PEX3: variants seen among roughly 807,000 people sequenced by gnomAD.
PEX3 encodes the protein peroxin-3.
PEX3 carries 30 observed loss-of-function variants against 55.8 expected under a neutral mutation model. The ratio of observed to expected loss-of-function variants is 0.54; its 90% CI spans 0.40 to 0.73. The LOEUF (loss-of-function observed/expected upper bound fraction) is 0.73. Ranked by LOEUF, PEX3 falls within the 30% of genes least tolerant of loss-of-function variation. The pLI is 0.00. For synonymous variants in PEX3, 135 were observed against 148.4 expected, an observed-to-expected ratio of 0.91 and a Z score of 0.66; for missense variants, 351 against 432.8, an observed-to-expected ratio of 0.81 and a Z score of 1.68.
At chr6:143,478,985 G>A (rs1268685097) in intron 9 of PEX3, 91 bp from the exon 10 acceptor site, 2 of 740,564 alleles carry the variant, frequency 2.7e-6, no homozygotes, top group African/African-American at 3.5e-5. Flanking sequence ...AGAAATGTTG[G>A]TGGCTTTCAA....
intron 9 of PEX3, 144 bp from the exon 10 acceptor site, chr6:143,478,932 A>T (rs1451087844): frequency 7.2e-6 from 4 of 556,846 alleles, no homozygotes; most frequent in African/African-American, 1.9e-5. Flanking sequence ...ATACTTTTTA[A>T]AGATTGATTT....
At position 143,488,643 on chromosome 6, in the gene PEX3, T is replaced by C. The variant is rs771827830; in HGVS notation, c.1039-500T>C. On this transcript the variant is annotated intron_variant, in intron 11 of 11. Transcript: ENST00000367591. The surrounding 1 kb of genome is among the most constrained non-coding windows in gnomAD (Gnocchi z 4.9). ...AAATGAAGGTGTAATTTTTTTCTTA[T>C]CTTCACATTCGCAAATCCCTTGGGG... Among the ~76,000 whole-genome samples the C allele has an allele frequency of 1.3e-5, 2 of 152,134 alleles. No individual in the cohort carries two copies. Among genetic ancestry groups the C allele is most frequent in the Non-Finnish European group, 2.9e-5 (2 of 67,992 alleles).
chr6:143,450,972 G>A lies in PEX3; in HGVS notation c.-71G>A. 4 of 1,140,966 alleles carry A rather than the reference G, an allele frequency of 3.5e-6. No homozygotes were observed. The highest frequency in any genetic ancestry group is 5.4e-6 in the Non-Finnish European group (4 of 747,648). 70.7% of individuals were successfully genotyped at this position (1,140,966 alleles called of 1,614,324 possible). A position where few individuals can be genotyped will look rare whatever the true frequency, so the allele number is the denominator to read the frequency against. On this transcript the variant is annotated 5_prime_UTR_variant, in exon 1 of 12. In the 5' UTR this introduces an upstream ATG that the reference lacks. Transcript: ENST00000367591. ...GCTCTTGCTGGGTCATCTGGGCCAG[G>A]TGACGAAGAAACAGTTTCCTGGTGA...
chr6:143,470,181 C>G (rs1422358892), intron 4 of PEX3, among the ~76,000 whole-genome samples: 1 of 152,180 alleles, frequency 6.6e-6, no homozygotes, highest in African/African-American at 2.4e-5. Context: ...ATCTCTTGAC[C>G]TTGTGATCCG....
intron 4 of PEX3, among the ~76,000 whole-genome samples, chr6:143,468,817 C>T (rs917346410): frequency 2.3e-4 from 32 of 137,222 alleles, no homozygotes; most frequent in Admixed American, 1.5e-3. Context: ...CCCCCCCCAC[C>T]CCACGACAGG....
In PEX3 at chr6:143,451,493, C is replaced by T. The variant is rs1034705478; in HGVS notation, c.73+378C>T. 6.6e-6 allele frequency among the ~76,000 whole-genome samples: 1 copy of T among 152,180 alleles called. No individual in the cohort carries two copies. The highest frequency in any genetic ancestry group is 2.4e-5 in the African/African-American group (1 of 41,454). ...CTCCTTGGCACTCTTGATACTTTGG[C>T]TCTCACCCTTCTCAGGAGTTTAATA... On this transcript the variant is annotated intron_variant, in intron 1 of 11. Coordinates refer to ENST00000367591, the MANE Select transcript of PEX3 (RefSeq NM_003630.3). The surrounding 1 kb of genome is among the most constrained non-coding windows in gnomAD (Gnocchi z 4.1).
chr6:143,450,974 G>A lies in PEX3; in HGVS notation c.-69G>A, dbSNP rs942080982. ...TCTTGCTGGGTCATCTGGGCCAGGT[G>A]ACGAAGAAACAGTTTCCTGGTGAAG... On this transcript the variant is annotated 5_prime_UTR_variant, in exon 1 of 12. Transcript: ENST00000367591. The A allele has an allele frequency of 3.4e-6, 4 of 1,166,416 alleles. No homozygotes were observed. The Admixed American group carries it at 5.0e-5, about 15-fold the overall frequency. The allele number at this position is 1,166,416 out of a possible 1,614,324, so 72.3% of individuals were successfully genotyped here.
intron 4 of PEX3, among the ~76,000 whole-genome samples, chr6:143,468,822 G>A (rs143030471): frequency 0.13 from 2,818 of 21,526 alleles, 133 homozygotes; most frequent in South Asian, 0.29. Flanking sequence ...CCCACCCCAC[G>A]ACAGGCCCCA....
rs1480599500 is a variant in PEX3 at position 143,479,203 on chromosome 6, G to T, written c.941+5G>T. 2 of 1,599,426 alleles carry T rather than the reference G, an allele frequency of 1.3e-6. No homozygotes were observed. The highest frequency in any genetic ancestry group is 8.6e-7 in the Non-Finnish European group (1 of 1,167,084). On this transcript the variant is annotated splice_donor_5th_base_variant and intron_variant, in intron 10 of 11. Coordinates refer to ENST00000367591, the MANE Select transcript of PEX3 (RefSeq NM_003630.3). The surrounding 1 kb of genome is among the most constrained non-coding windows in gnomAD (Gnocchi z 4.6). Reference sequence around the variant, plus strand: ...ACATGGTAACTCTATGAATAGGTAAGATGACATATAAAAATGTTATACTAA... The same window carrying T: ...ACATGGTAACTCTATGAATAGGTAATATGACATATAAAAATGTTATACTAA...
At chr6:143,474,668 A>G in intron 8 of PEX3, 118 bp from the exon 9 acceptor site, 1 of 701,076 alleles carries the variant, frequency 1.4e-6, no homozygotes, top group Non-Finnish European at 2.6e-6. Context: ...AACTTTTTTT[A>G]TTGTTGATAG....
rs1302584483 is a variant in PEX3 at position 143,458,515 on chromosome 6, T to G, written c.74-570T>G. ...TATCTTATAGTTTTAAAAAGCATTT[T>G]GTGTTCATTGAAGAAAATATAGAGG... On this transcript the variant is annotated intron_variant, in intron 1 of 11. Coordinates refer to ENST00000367591, the MANE Select transcript of PEX3 (RefSeq NM_003630.3). This position sits in a 1 kb window ranked among gnomAD's most constrained non-coding sequence, Gnocchi z 6.1. 1.3e-5 allele frequency among the ~76,000 whole-genome samples: 2 copies of G among 152,118 alleles called. No individual in the cohort carries two copies. Among genetic ancestry groups the G allele is most frequent in the Non-Finnish European group, 2.9e-5 (2 of 67,980 alleles).
chr6:143,471,491 T>C lies in PEX3; in HGVS notation c.523+42T>C, dbSNP rs1365365718. ...TGACTTTTATACTAATTTTAATTCA[T>C]TTATTTTTATTATTGAGGAATTTTT... On this transcript the variant is annotated intron_variant, in intron 6 of 11. Coordinates refer to ENST00000367591, the MANE Select transcript of PEX3 (RefSeq NM_003630.3). This position sits in a 1 kb window ranked among gnomAD's most constrained non-coding sequence, Gnocchi z 5.4. 1.9e-6 allele frequency: 3 copies of C among 1,559,244 alleles called. No individual in the cohort carries two copies. Among genetic ancestry groups the C allele is most frequent in the South Asian group, 2.2e-5 (2 of 89,228 alleles).
At position 143,473,826 on chromosome 6, in the gene PEX3, T is replaced by G. The variant is rs146423988; in HGVS notation, c.748-960T>G. ...GTTCGAGTCCGTGGTGTGCTATGGT[T>G]GCACCATTGCACTCCAGACTGGGCA... On this transcript the variant is annotated intron_variant, in intron 8 of 11. Transcript: ENST00000367591. 1.8e-3 allele frequency among the ~76,000 whole-genome samples: 279 copies of G among 152,062 alleles called. 1 individual carries two copies. The highest frequency in any genetic ancestry group is 5.7e-3 in the African/African-American group (235 of 41,476).
chr6:143,469,725 G>A (rs971519676), intron 4 of PEX3, among the ~76,000 whole-genome samples: 12 of 152,072 alleles, frequency 7.9e-5, no homozygotes, highest in Admixed American at 2.0e-4. Flanking sequence ...CATTGCTTTT[G>A]GTGTTTTAGT....
rs191154147 is a variant in PEX3, at chr6:143,470,574, C to T, written c.332-387C>T. ...AGTCCTTAAACAGGCTCATCCTCCT[C>T]GGGCTGCCATTGAAGGCTAGAGTTC... On this transcript the variant is annotated intron_variant, in intron 4 of 11. Coordinates refer to ENST00000367591, the MANE Select transcript of PEX3 (RefSeq NM_003630.3). Among the ~76,000 whole-genome samples, 378 of 152,312 alleles carry T rather than the reference C, an allele frequency of 2.5e-3. 3 individuals carry two copies. The highest frequency in any genetic ancestry group is 3.7e-3 in the Non-Finnish European group (249 of 68,026).
At chr6:143,473,483 A>G (rs942407771) in intron 8 of PEX3, among the ~76,000 whole-genome samples, 1 of 152,214 alleles carries the variant, frequency 6.6e-6, no homozygotes. Context: ...GAAGAGAGAA[A>G]TGATGGACCA....
At chr6:143,484,977 G>T in intron 10 of PEX3, 175 bp from the exon 11 acceptor site, 1 of 586,128 alleles carries the variant, frequency 1.7e-6, no homozygotes, top group Non-Finnish European at 3.0e-6. Flanking sequence ...AAAGAAATTG[G>T]TCATGATGTC....
chr6:143,470,879 A>C, intron 4 of PEX3, 82 bp from the exon 5 acceptor site: 1 of 1,212,932 alleles, frequency 8.2e-7, no homozygotes, highest in Non-Finnish European at 1.2e-6. Context: ...GTCATCTTAC[A>C]AAAAAATAAC....
Position 143,458,383 on chromosome 6 carries a change from G to A in PEX3, c.74-702G>A, listed in dbSNP as rs1779874183. Among the ~76,000 whole-genome samples the A allele has an allele frequency of 6.6e-6, 1 of 152,040 alleles. No individual in the cohort carries two copies. Among genetic ancestry groups the A allele is most frequent in the Non-Finnish European group, 1.5e-5 (1 of 67,976 alleles). ...AAGTTACTAATTTTTAGATGAGAGA[G>A]TTGTATTTTCTCTCCTTATCTCAAA... On this transcript the variant is annotated intron_variant, in intron 1 of 11. Transcript: ENST00000367591. This position sits in a 1 kb window ranked among gnomAD's most constrained non-coding sequence, Gnocchi z 6.1.
Sources: allele counts gnomAD v4.1 joint callset (sites outside exome capture counted in the v4.1 genomes callset), GRCh38; gene constraint gnomAD v4.1.1; non-coding constraint Gnocchi (gnomAD v3.1); transcripts MANE v1.5; gene names NCBI Gene and HGNC (gene_info 2026-07-23, HGNC 2026-07-21).